The following IQUB variants were observed in gnomAD, a reference collection of about 807,000 sequenced individuals.
IQUB encodes IQ motif and ubiquitin-like domain-containing protein.
IQUB carries 86 observed loss-of-function variants against 86.4 expected under a neutral mutation model. The ratio of observed to expected loss-of-function variants is 1.00; its 90% CI spans 0.84 to 1.19. The LOEUF (loss-of-function observed/expected upper bound fraction) is 1.19, where lower values mean the gene tolerates loss of function less well. IQUB is among the 50% of genes most tolerant of loss of function. The pLI is 0.00. For synonymous variants in IQUB, 289 were observed against 304.5 expected (o/e 0.95, Z 0.53); for missense variants, 946 against 916.9 (o/e 1.03, Z -0.41).
rs1054571527 is a variant in IQUB, at chr7:123,502,992, T to G, written c.819A>C (p.Val273=). The part of the protein sequence containing the change: ...VEYHNAGTQT[V]PKRIPERLSI... ...TGAGTCTTTCGGGAATCCTTTTAGGTACAGTTTGTGTTCCAGCATTGTGAT... is the reference window on the plus strand; with the variant it reads ...TGAGTCTTTCGGGAATCCTTTTAGGGACAGTTTGTGTTCCAGCATTGTGAT... Residue 273 remains valine (V), a synonymous_variant, in exon 5 of 13, where the codon GTA becomes GTC. Transcript: ENST00000324698. 7.4e-6 allele frequency: 12 copies of G among 1,613,004 alleles called. No homozygotes were observed. In the East Asian group the frequency reaches 2.7e-4, roughly 36 times the overall value.
intron 8 of IQUB, among the ~76,000 whole-genome samples, 174 bp downstream of exon 8, chr7:123,479,621 T>C (rs1224488683): frequency 6.6e-6 from 1 of 152,154 alleles, no homozygotes; most frequent in Non-Finnish European, 1.5e-5. Flanking sequence ...TAGGCTGCTA[T>C]TAAAATCTAA....
chr7:123,490,789 AC>A (rs1795422309), intron 7 of IQUB, among the ~76,000 whole-genome samples: 1 of 152,098 alleles, frequency 6.6e-6, no homozygotes, highest in South Asian at 2.1e-4. Flanking sequence ...ACATGGAGAA[AC>A]CCCATCTCTA....
intron 9 of IQUB, among the ~76,000 whole-genome samples, chr7:123,468,460 C>T (rs915108842): frequency 6.6e-6 from 1 of 152,172 alleles, no homozygotes; most frequent in Non-Finnish European, 1.5e-5. Flanking sequence ...AACTCTCAAG[C>T]GAGGCTCTTC....
chr7:123,478,899 C>G (rs1001098989), intron 8 of IQUB, among the ~76,000 whole-genome samples: 20 of 151,992 alleles, frequency 1.3e-4, no homozygotes, highest in African/African-American at 4.8e-4. Context: ...AGAGCAGTGA[C>G]AGTAGGCCAT....
At chr7:123,502,889 T>C in intron 5 of IQUB, 55 bp downstream of exon 5, 1 of 1,465,858 alleles carries the variant, frequency 6.8e-7, no homozygotes, top group Non-Finnish European at 9.3e-7. Context: ...AGTCATACAG[T>C]ACAATTATTG....
intron 8 of IQUB, among the ~76,000 whole-genome samples, chr7:123,473,384 C>G (rs1482465818): frequency 6.6e-6 from 1 of 152,138 alleles, no homozygotes; most frequent in Non-Finnish European, 1.5e-5. Context: ...GTGTACAAAT[C>G]AACAGGCATC....
intron 8 of IQUB, among the ~76,000 whole-genome samples, chr7:123,473,074 T>C (rs895140164): frequency 2.6e-5 from 4 of 152,070 alleles, no homozygotes; most frequent in African/African-American, 7.2e-5. Flanking sequence ...AAAGAAGAAA[T>C]GACTGCACTA....
intron 6 of IQUB, 40 bp from the exon 7 acceptor site, chr7:123,496,946 C>T: frequency 7.5e-7 from 1 of 1,325,342 alleles, no homozygotes; most frequent in South Asian, 1.4e-5. Flanking sequence ...TGCCTATCAT[C>T]AACTTTTTGA....
chr7:123,491,460 AAAG>A (rs1416134696), intron 7 of IQUB, among the ~76,000 whole-genome samples: 8 of 152,178 alleles, frequency 5.3e-5, no homozygotes, highest in East Asian at 1.9e-4. Context: ...ATCAGGAAAA[AAAG>A]AAGGAAACAC....
chr7:123,470,515 A>G (rs1336684903), intron 8 of IQUB, among the ~76,000 whole-genome samples: 1 of 152,224 alleles, frequency 6.6e-6, no homozygotes, highest in Non-Finnish European at 1.5e-5. Context: ...ATCATCAGGA[A>G]TATGGACTAA....
chr7:123,522,851 C>T (rs1418312008), intron 1 of IQUB, among the ~76,000 whole-genome samples: 1 of 114,574 alleles, frequency 8.7e-6, no homozygotes. Context: ...TATCCCTCCC[C>T]CCTCCCCCCA....
At chr7:123,471,231 T>TA in intron 8 of IQUB, among the ~76,000 whole-genome samples, 1 of 152,266 alleles carries the variant, frequency 6.6e-6, no homozygotes, top group South Asian at 2.1e-4. Flanking sequence ...ATAAGGAAAA[T>TA]AGCTCAATAA....
intron 1 of IQUB, among the ~76,000 whole-genome samples, chr7:123,526,647 T>G (rs1170696706): frequency 6.6e-6 from 1 of 151,494 alleles, no homozygotes. Context: ...CTTGACTCTT[T>G]ATCCAATTTG....
chr7:123,499,189 C>T (rs1409250900), intron 6 of IQUB, among the ~76,000 whole-genome samples: 2 of 152,012 alleles, frequency 1.3e-5, no homozygotes, highest in South Asian at 2.1e-4. Flanking sequence ...CAGCTCACTG[C>T]AGCCTCCGCC....
intron 9 of IQUB, among the ~76,000 whole-genome samples, chr7:123,468,353 T>C (rs977418673): frequency 1.1e-4 from 17 of 152,192 alleles, no homozygotes; most frequent in Non-Finnish European, 2.5e-4. Context: ...TTGGGGCCTA[T>C]CTAAATCCAG....
chr7:123,525,687 G>GT (rs1797168178), intron 1 of IQUB, among the ~76,000 whole-genome samples: 1 of 151,916 alleles, frequency 6.6e-6, no homozygotes, highest in Admixed American at 6.6e-5. Flanking sequence ...AGGGTTTTTT[G>GT]TGTCTCTGTT....
chr7:123,529,818 A>G (rs1797443878), intron 1 of IQUB, among the ~76,000 whole-genome samples: 1 of 151,596 alleles, frequency 6.6e-6, no homozygotes, highest in Admixed American at 6.6e-5. Context: ...ACGGATCACA[A>G]GGTCAGGAGA....
At chr7:123,464,151 T>C (rs1794137945) in intron 10 of IQUB, among the ~76,000 whole-genome samples, 1 of 151,906 alleles carries the variant, frequency 6.6e-6, no homozygotes, top group Admixed American at 6.6e-5. Context: ...TATAATTCTC[T>C]GACAACATAC....
chr7:123,508,767 C>T (rs551149792), intron 3 of IQUB, among the ~76,000 whole-genome samples: 1 of 152,318 alleles, frequency 6.6e-6, no homozygotes, highest in East Asian at 1.9e-4. Context: ...GACTCTGCCA[C>T]TTACAAGTTT....
Sources: allele counts gnomAD v4.1 joint callset (sites outside exome capture counted in the v4.1 genomes callset), GRCh38; gene constraint gnomAD v4.1.1; transcripts MANE v1.5; gene names NCBI Gene and HGNC (gene_info 2026-07-23, HGNC 2026-07-21).